Variants in ZBTB10 observed in about 807,000 individuals in gnomAD.
ZBTB10 encodes zinc finger and BTB domain-containing protein 10.
ZBTB10 carries 32 observed loss-of-function variants against 76.4 expected under a neutral mutation model. The ratio of observed to expected loss-of-function variants is 0.42; its 90% CI spans 0.32 to 0.56. The LOEUF (loss-of-function observed/expected upper bound fraction) is 0.56, where lower values mean the gene tolerates loss of function less well. Among genes scored for constraint, ZBTB10 ranks in the 20% least tolerant of loss-of-function variants. The pLI is 0.14. For synonymous variants in ZBTB10, 523 were observed against 432.9 expected, an observed-to-expected ratio of 1.21 and a Z score of -2.58; for missense variants, 1,057 against 1,098.5, an observed-to-expected ratio of 0.96 and a Z score of 0.53.
rs1815504081 is a variant in ZBTB10 at position 80,487,478 on chromosome 8, T to G, written c.668T>G (p.Val223Gly). 3.2e-6 allele frequency: 5 copies of G among 1,552,294 alleles called. No homozygotes were observed. In the East Asian group the frequency reaches 1.2e-4, roughly 38 times the overall value. The change falls in exon 1 of 6, where the codon GTG becomes GGG. Residue 223 changes from valine to glycine, a missense_variant. By Grantham distance (109) the Val-to-Gly change is moderately radical (BLOSUM62 -3). This residue lies in a region of ZBTB10 where 556 missense variants were observed against 451.7 expected (regional missense o/e 1.23). Transcript: ENST00000455036. ...GGGGACGAAGTGGAGGGCAGCGGTGTGGGAGCTGGCGAAGGAGAGACTGTC... is the reference window on the plus strand; with the variant it reads ...GGGGACGAAGTGGAGGGCAGCGGTGGGGGAGCTGGCGAAGGAGAGACTGTC... Reference protein sequence around the residue: ...DGGDEVEGSGVGAGEGETVQH... With the variant: ...DGGDEVEGSGGGAGEGETVQH...
intron 2 of ZBTB10, among the ~76,000 whole-genome samples, chr8:80,513,509 A>T (rs1462982154): frequency 6.6e-6 from 1 of 152,208 alleles, no homozygotes; most frequent in East Asian, 1.9e-4. Flanking sequence ...TGTTTTATAC[A>T]TCTAGTACTT....
At chr8:80,496,493 TG>T (rs1815786960) in intron 1 of ZBTB10, among the ~76,000 whole-genome samples, 1 of 152,154 alleles carries the variant, frequency 6.6e-6, no homozygotes, top group Non-Finnish European at 1.5e-5. Flanking sequence ...TTAATGTTCT[TG>T]TTCTTGTACC....
chr8:80,493,207 G>GCGCGCGCGCGCACACA (rs375071529), intron 1 of ZBTB10, among the ~76,000 whole-genome samples: 24 of 125,286 alleles, frequency 1.9e-4, no homozygotes, highest in South Asian at 8.6e-4. Flanking sequence ...GCGCGCGCGC[G>GCGCGCGCGCGCACACA]CACACACACA....
In ZBTB10 at chr8:80,486,942, G is replaced by A. The variant is rs1325842132; in HGVS notation, c.132G>A (p.Pro44=). The change falls in exon 1 of 6, where the codon CCG becomes CCA. Residue 44 remains proline, a synonymous_variant. Transcript: ENST00000455036. Reference sequence around the variant, plus strand: ...CAGCTTGGCCTCCGCAGCCCCAGCCGAGACAGCCCCCGCCGCCAGCGCCGC... The same window carrying A: ...CAGCTTGGCCTCCGCAGCCCCAGCCAAGACAGCCCCCGCCGCCAGCGCCGC... ...EASAWPPQPQ[P]RQPPPPAPPA... 2 of 1,513,328 alleles carry A rather than the reference G, an allele frequency of 1.3e-6. No homozygotes were observed. Among genetic ancestry groups the A allele is most frequent in the East Asian group, 2.7e-5 (1 of 37,220 alleles). The allele number at this position is 1,513,328 out of a possible 1,614,324, so 93.7% of individuals were successfully genotyped here. A position where few individuals can be genotyped will look rare whatever the true frequency, so the allele number is the denominator to read the frequency against.
Position 80,506,929 on chromosome 8 carries a change from T to TG in ZBTB10, c.1861+6554dup, listed in dbSNP as rs200533986. Among the ~76,000 whole-genome samples the TG allele has an allele frequency of 5.6e-3, 840 of 149,822 alleles. 7 individuals are homozygous for TG. The highest frequency in any genetic ancestry group is 0.019 in the African/African-American group (787 of 40,902). On this transcript the variant is annotated intron_variant, in intron 2 of 5. Transcript: ENST00000455036. ...TTAATTTCATTTTTCATTAGCAACTTGGGGGGGTTCTAATAATTAGGGGGA... is the reference window on the plus strand; with the variant it reads ...TTAATTTCATTTTTCATTAGCAACTTGGGGGGGGTTCTAATAATTAGGGGGA...
At chr8:80,504,983 G>A (rs1465555686) in intron 2 of ZBTB10, among the ~76,000 whole-genome samples, 2 of 152,084 alleles carry the variant, frequency 1.3e-5, no homozygotes, top group Non-Finnish European at 2.9e-5. Context: ...GCGGGCTCAT[G>A]GAACATGGTT....
Position 80,515,941 on chromosome 8 carries a change from A to G in ZBTB10, c.1960+1933A>G, listed in dbSNP as rs143670278. On this transcript the variant is annotated intron_variant, in intron 3 of 5. Coordinates refer to ENST00000455036, the MANE Select transcript of ZBTB10 (RefSeq NM_001105539.3). ...GTAATTCCTACAAGTATTCTCTGTT[A>G]TAAGAATTAGGAGAGATGAAAGAAA... Among the ~76,000 whole-genome samples, 290 of 152,316 alleles carry G rather than the reference A, an allele frequency of 1.9e-3. 2 individuals carry two copies. The highest frequency in any genetic ancestry group is 6.6e-3 in the African/African-American group (274 of 41,546).
At position 80,518,393 on chromosome 8, in the gene ZBTB10, C is replaced by T. The variant is rs770286195; in HGVS notation, c.1961-10C>T. ...TACCATTATTAATTCAGAATTTTTA[C>T]TTGTACTAGGTACTTCACATGATTT... is the stretch of plus-strand genomic sequence containing the variant. On this transcript the variant is annotated splice_polypyrimidine_tract_variant and intron_variant, in intron 3 of 5. Coordinates refer to ENST00000455036, the MANE Select transcript of ZBTB10 (RefSeq NM_001105539.3). The T allele has an allele frequency of 4.1e-5, 63 of 1,534,514 alleles. 1 individual carries two copies. Among genetic ancestry groups the T allele is most frequent in the Middle Eastern group, 4.4e-4 (2 of 4,566 alleles).
chr8:80,493,976 C>T (rs1379852214), intron 1 of ZBTB10, among the ~76,000 whole-genome samples: 2 of 152,132 alleles, frequency 1.3e-5, no homozygotes, highest in East Asian at 3.9e-4. Flanking sequence ...GCAAAAGAGA[C>T]CTTCTTGTCT....
At chr8:80,510,907 A>C (rs1450855209) in intron 2 of ZBTB10, among the ~76,000 whole-genome samples, 3 of 152,212 alleles carry the variant, frequency 2.0e-5, no homozygotes, top group Admixed American at 2.0e-4. Flanking sequence ...AAGAGTTGCT[A>C]TCATGCTTCC....
rs959702193 is a variant in ZBTB10 at position 80,487,247 on chromosome 8, C to G, written c.437C>G (p.Ser146Trp). Residue 146 changes from serine to tryptophan, a missense_variant, in exon 1 of 6, where the codon TCG becomes TGG. Ser to Trp is a radical substitution (Grantham distance 177). Transcript: ENST00000455036. ...NGSSRGRPET[S>W]VWPLRHFNGR... is the part of the protein sequence containing the mutation. Reference sequence around the variant, plus strand: ...AGTAGCCGCGGCCGCCCCGAGACCTCGGTGTGGCCCTTGAGGCATTTCAAT... The same window carrying G: ...AGTAGCCGCGGCCGCCCCGAGACCTGGGTGTGGCCCTTGAGGCATTTCAAT... The G allele has an allele frequency of 2.6e-6, 4 of 1,550,072 alleles. No individual in the cohort carries two copies. The highest frequency in any genetic ancestry group is 3.5e-6 in the Non-Finnish European group (4 of 1,149,488).
intron 2 of ZBTB10, among the ~76,000 whole-genome samples, chr8:80,502,156 T>TC (rs1563461231): frequency 6.6e-6 from 1 of 152,230 alleles, no homozygotes. Context: ...TTATCAAGTA[T>TC]CTCCTAGCCA....
intron 1 of ZBTB10, 78 bp downstream of exon 1, chr8:80,487,860 C>A (rs912765994): frequency 4.8e-6 from 7 of 1,455,844 alleles, no homozygotes; most frequent in Non-Finnish European, 6.3e-6. Flanking sequence ...CCCCACCCAC[C>A]CCCGAAAAAA....
intron 1 of ZBTB10, among the ~76,000 whole-genome samples, chr8:80,494,764 A>G (rs908718587): frequency 6.6e-6 from 1 of 151,860 alleles, no homozygotes; most frequent in Non-Finnish European, 1.5e-5. Flanking sequence ...ACAAAAATTT[A>G]AAAAAATAAA....
Position 80,522,220 on chromosome 8 carries a change from G to T in ZBTB10, c.*2692G>T, listed in dbSNP as rs1420096901. 6.6e-6 allele frequency: 1 copy of T among 151,824 alleles called. No homozygotes were observed. The highest frequency in any genetic ancestry group is 1.5e-5 in the Non-Finnish European group (1 of 67,820). 9.4% of individuals were successfully genotyped at this position (151,824 alleles called of 1,614,324 possible). A position where few individuals can be genotyped will look rare whatever the true frequency, so the allele number is the denominator to read the frequency against. On this transcript the variant is annotated 3_prime_UTR_variant, in exon 6 of 6. Transcript: ENST00000455036. ...CTGACTTACAGTAAAATTTCAGGAAGTTGATAGATACTAAGAACTTATGAT... is the reference window on the plus strand; with the variant it reads ...CTGACTTACAGTAAAATTTCAGGAATTTGATAGATACTAAGAACTTATGAT...
Position 80,486,478 on chromosome 8 carries a change from G to GGCCTCGCTCGCTGCAGGCTCGCTCCTC in ZBTB10, c.-332_-306dup. 2 of 985,246 alleles carry GGCCTCGCTCGCTGCAGGCTCGCTCCTC rather than the reference G, an allele frequency of 2.0e-6. No homozygotes were observed. The highest frequency in any genetic ancestry group is 2.4e-6 in the Non-Finnish European group (2 of 829,990). The allele number at this position is 985,246 out of a possible 1,614,324, so 61.0% of individuals were successfully genotyped here. A position where few individuals can be genotyped will look rare whatever the true frequency, so the allele number is the denominator to read the frequency against. On this transcript the variant is annotated 5_prime_UTR_variant, in exon 1 of 6. Transcript: ENST00000455036. ...CCGCACTCCGCTGCTCAACTTCGAA[G>GGCCTCGCTCGCTGCAGGCTCGCTCCTC]GCCTCGCTCGCTGCAGGCTCGCTCC...
intron 2 of ZBTB10, among the ~76,000 whole-genome samples, chr8:80,506,989 A>T (rs1462609621): frequency 6.6e-6 from 1 of 152,090 alleles, no homozygotes; most frequent in Non-Finnish European, 1.5e-5. Context: ...TTATGTATTT[A>T]TTTATTTTAT....
At chr8:80,487,907 C>T in intron 1 of ZBTB10, 125 bp downstream of exon 1, 1 of 1,155,562 alleles carries the variant, frequency 8.7e-7, no homozygotes, top group Non-Finnish European at 1.2e-6. Flanking sequence ...AGACATCGTT[C>T]CAGTTGAGAG....
At chr8:80,506,745 C>A (rs908407920) in intron 2 of ZBTB10, among the ~76,000 whole-genome samples, 3 of 152,192 alleles carry the variant, frequency 2.0e-5, no homozygotes, top group African/African-American at 7.2e-5. Flanking sequence ...GCTATAAAAT[C>A]TGAAAAATTC....
Sources: gnomAD v4.1 joint callset for allele counts (sites outside exome capture counted in the v4.1 genomes callset) on GRCh38, gnomAD v4.1.1 for gene constraint, gnomAD v4.1.1 regional missense constraint, MANE v1.5 for transcripts, NCBI Gene and HGNC (gene_info 2026-07-23, HGNC 2026-07-21) for gene names.